The following NPC1 variants were observed in gnomAD, a reference collection of about 807,000 sequenced individuals.
NPC1 encodes the protein NPC intracellular cholesterol transporter 1.
Under a neutral mutation model 140.4 loss-of-function variants are expected in NPC1, and 85 were observed. The observed-to-expected ratio is 0.61, with a 90% CI of 0.51 to 0.72. The LOEUF is 0.72. Ranked by LOEUF, NPC1 falls within the 30% of genes least tolerant of loss-of-function variation. The probability of loss-of-function intolerance (pLI) is 0.00; values close to 1 mark genes in which losing one functional copy is unlikely to be tolerated. For synonymous variants in NPC1, 656 were observed against 624.8 expected, an observed-to-expected ratio of 1.05 and a Z score of -0.74; for missense variants, 1,504 against 1,623.8, an observed-to-expected ratio of 0.93 and a Z score of 1.27.
intron 20 of NPC1, among the ~76,000 whole-genome samples, chr18:23,537,629 G>A (rs927944799): frequency 2.0e-5 from 3 of 152,156 alleles, no homozygotes; most frequent in East Asian, 1.9e-4. Flanking sequence ...CATAGGCTGC[G>A]TGATGAGAAA....
intron 24 of NPC1, 38 bp from the exon 25 acceptor site, chr18:23,532,322 G>C: frequency 6.2e-7 from 1 of 1,612,578 alleles, no homozygotes; most frequent in Non-Finnish European, 8.5e-7. Context: ...TTCTGCAGGA[G>C]AAAGGGAGCT....
chr18:23,546,443 T>G (rs190515445), intron 11 of NPC1, among the ~76,000 whole-genome samples: 211 of 152,238 alleles, frequency 1.4e-3, no homozygotes, highest in South Asian at 4.8e-3. Context: ...ATAGCCACTT[T>G]GGAAAACAGT....
At chr18:23,540,628 A>AT (rs1388070512) in intron 16 of NPC1, 91 bp from the exon 17 acceptor site, 5 of 966,540 alleles carry the variant, frequency 5.2e-6, no homozygotes, top group African/African-American at 4.8e-5. Context: ...AAAAAGCAGG[A>AT]TTTTTTAAAA....
At chr18:23,569,407 T>C (rs1344361211) in intron 3 of NPC1, among the ~76,000 whole-genome samples, 1 of 152,144 alleles carries the variant, frequency 6.6e-6, no homozygotes, top group African/African-American at 2.4e-5. Context: ...ACTGTAACCT[T>C]GAGCTCCTAG....
In NPC1 at chr18:23,568,989, G is replaced by A. The variant is rs142065882; in HGVS notation, c.297C>T (p.Ser99=). The change falls in exon 4 of 25, where the codon TCC becomes TCT. Residue 99 remains serine, a synonymous_variant. Coordinates refer to ENST00000269228, the MANE Select transcript of NPC1 (RefSeq NM_000271.5). The part of the protein sequence containing the change: ...LPLQFLSRCP[S]CFYNLLNLFC... ...ACAGGTTCAGTAGGTTATAAAAACAGGATGGACATCTAAAGGAAAAGTAAA... is the reference window on the plus strand; with the variant it reads ...ACAGGTTCAGTAGGTTATAAAAACAAGATGGACATCTAAAGGAAAAGTAAA... The A allele has an allele frequency of 6.2e-7, 1 of 1,612,712 alleles. No individual in the cohort carries two copies. Among genetic ancestry groups the A allele is most frequent in the Non-Finnish European group, 8.5e-7 (1 of 1,179,110 alleles).
intron 18 of NPC1, 151 bp downstream of exon 18, chr18:23,539,656 GTTTT>G: frequency 1.1e-6 from 1 of 922,696 alleles, no homozygotes; most frequent in South Asian, 1.5e-5. Context: ...CCTTTCAAAG[GTTTT>G]TTAAGGTAAA....
At chr18:23,526,584 CT>C, downstream of NPC1, 10 of 1,589,266 alleles carry the variant, frequency 6.3e-6, no homozygotes, top group South Asian at 1.1e-5. Flanking sequence ...CACTTTTGGG[CT>C]TTTGTTACGG....
chr18:23,576,557 G>C (rs990367972), intron 1 of NPC1: 64 of 988,140 alleles, frequency 6.5e-5, no homozygotes, highest in Non-Finnish European at 7.0e-5. Context: ...GTGGGTTCTT[G>C]GTCTCACTGA....
At chr18:23,572,019 T>G (rs1288849641) in intron 3 of NPC1, 55 bp downstream of exon 3, 18 of 1,043,426 alleles carry the variant, frequency 1.7e-5, no homozygotes, top group Non-Finnish European at 2.7e-5. Flanking sequence ...AGCTGAGCAT[T>G]ACCAGTTCAC....
intron 2 of NPC1, 125 bp downstream of exon 2, chr18:23,573,327 C>T (rs984759149): frequency 2.0e-5 from 27 of 1,348,198 alleles, no homozygotes; most frequent in African/African-American, 1.4e-4. Flanking sequence ...TTTGAGAGTC[C>T]GGGATAAGAC....
chr18:23,524,055 C>A, intron 1 of NPC1: 1 of 1,446,450 alleles, frequency 6.9e-7, no homozygotes, highest in Non-Finnish European at 9.7e-7. Flanking sequence ...AAAGTATTGA[C>A]TTTTGTGTCA....
chr18:23,523,571 A>AG (rs2058206513), intron 1 of NPC1, among the ~76,000 whole-genome samples: 6 of 146,366 alleles, frequency 4.1e-5, no homozygotes, highest in Middle Eastern at 7.1e-3. Flanking sequence ...AAAAAAAAAG[A>AG]AAAAAAGTTA....
chr18:23,527,548 T>G (rs192433220), downstream of NPC1, among the ~76,000 whole-genome samples: 1 of 147,686 alleles, frequency 6.8e-6, no homozygotes, highest in African/African-American at 2.5e-5. Context: ...CCCAAAGTGC[T>G]GGGATTATAG....
At chr18:23,536,929 C>G in intron 20 of NPC1, 53 bp from the exon 21 acceptor site, 10 of 1,481,126 alleles carry the variant, frequency 6.8e-6, no homozygotes, top group Non-Finnish European at 9.4e-6. Context: ...AAAATATCAG[C>G]AGAATCTGAG....
chr18:23,519,807 T>G (rs2058098190), downstream of NPC1, among the ~76,000 whole-genome samples: 1 of 152,162 alleles, frequency 6.6e-6, no homozygotes, highest in Admixed American at 6.5e-5. Context: ...TGAGGCCGTG[T>G]GGACCAGGAC....
chr18:23,574,288 G>A (rs1204271647), intron 1 of NPC1, among the ~76,000 whole-genome samples: 6 of 152,118 alleles, frequency 3.9e-5, no homozygotes, highest in African/African-American at 1.2e-4. Context: ...GAAGGCTGCT[G>A]CCCAAAACGC....
chr18:23,566,557 C>G (rs971181247), intron 4 of NPC1, among the ~76,000 whole-genome samples: 2 of 149,308 alleles, frequency 1.3e-5, no homozygotes, highest in African/African-American at 5.0e-5. Context: ...CCAGCCTCAC[C>G]AACACAGTGA....
chr18:23,529,549 A>C, downstream of NPC1: 1 of 1,342,724 alleles, frequency 7.4e-7, no homozygotes, highest in East Asian at 2.3e-5. Context: ...TTAAGATGGA[A>C]ACAAGGTGGG....
intron 8 of NPC1, among the ~76,000 whole-genome samples, chr18:23,555,764 CAGTG>C (rs112409877): frequency 0.012 from 1,769 of 152,260 alleles, 21 homozygotes; most frequent in African/African-American, 0.04. Flanking sequence ...CATGTTCAGG[CAGTG>C]AGTGATAAGT....
Sources: gnomAD v4.1 joint callset for allele counts (sites outside exome capture counted in the v4.1 genomes callset) on GRCh38, gnomAD v4.1.1 for gene constraint, MANE v1.5 for transcripts, NCBI Gene and HGNC (gene_info 2026-07-23, HGNC 2026-07-21) for gene names.